The following GJA3 variants were observed in gnomAD, a reference collection of about 807,000 sequenced individuals.
The protein encoded by GJA3 is gap junction protein alpha 3, also known as gap junction alpha-3 protein.
For synonymous variants in GJA3, 297 were observed against 292.6 expected (o/e 1.02, Z -0.15); for missense variants, 571 against 620.3 (o/e 0.92, Z 0.84).
At chr13:20,159,190 C>T (rs1436216107) in intron 1 of GJA3, among the ~76,000 whole-genome samples, 1 of 151,550 alleles carries the variant, frequency 6.6e-6, no homozygotes, top group Non-Finnish European at 1.5e-5. Flanking sequence ...TTGTGTGTGG[C>T]ACTGTGCCAC....
At chr13:20,156,415 T>G (rs1324633218) in intron 1 of GJA3, among the ~76,000 whole-genome samples, 1 of 152,148 alleles carries the variant, frequency 6.6e-6, no homozygotes, top group African/African-American at 2.4e-5. Flanking sequence ...CAAGCAATTC[T>G]CGGGCCTCAT....
chr13:20,156,297 G>A (rs748610520), intron 1 of GJA3, among the ~76,000 whole-genome samples: 58 of 152,016 alleles, frequency 3.8e-4, no homozygotes, highest in Non-Finnish European at 6.5e-4. Context: ...ATCTTAGTGA[G>A]GGCATTTTAT....
rs1958808902 is a variant in GJA3, at chr13:20,141,858, G to A, written c.*123C>T. On this transcript the variant is annotated 3_prime_UTR_variant, in exon 2 of 2. Transcript: ENST00000241125. ...TCTCTCCTCCATCGTCCACCTCCTG[G>A]GACTCCAGTCGCTCCCACCTCCTGG... 1.4e-6 allele frequency: 2 copies of A among 1,407,986 alleles called. No individual in the cohort carries two copies. Among genetic ancestry groups the A allele is most frequent in the East Asian group, 5.1e-5 (2 of 39,338 alleles). The allele number at this position is 1,407,986 out of a possible 1,614,324, so 87.2% of individuals were successfully genotyped here. A position where few individuals can be genotyped will look rare whatever the true frequency, so the allele number is the denominator to read the frequency against.
rs755792418 is a variant in GJA3 at position 20,142,850 on chromosome 13, G to A, written c.439C>T (p.Arg147Trp). Residue 147 changes from arginine (R) to tryptophan (W), a missense_variant, in exon 2 of 2, where the codon CGG becomes TGG. Coordinates refer to ENST00000241125, the MANE Select transcript of GJA3 (RefSeq NM_021954.4). ...AAGATGATGTTGAAGACGTAGGTCC[G>A]CAGCAGCGCCCCGGCCATGCGCACC... ...GRVRMAGALL[R>W]TYVFNIIFKT... The A allele has an allele frequency of 6.2e-7, 1 of 1,612,636 alleles. No individual in the cohort carries two copies. The highest frequency in any genetic ancestry group is 2.2e-5 in the East Asian group (1 of 44,844).
In GJA3 at chr13:20,142,689, C is replaced by T. The variant is rs759345487; in HGVS notation, c.600G>A (p.Lys200=). The change falls in exon 2 of 2, where the codon AAG becomes AAA. Residue 200 remains lysine, a synonymous_variant. Coordinates refer to ENST00000241125, the MANE Select transcript of GJA3 (RefSeq NM_021954.4). ...VDCFISRPTE[K]TIFIIFMLAV... is the part of the protein sequence containing the mutation. ...CCAGCATGAAGATGATGAAGATGGT[C>T]TTCTCCGTGGGCCTGGAGATGAAGC... 4.3e-6 allele frequency: 7 copies of T among 1,614,022 alleles called. No individual in the cohort carries two copies. The Admixed American group carries it at 1.0e-4, about 23-fold the overall frequency.
intron 1 of GJA3, among the ~76,000 whole-genome samples, chr13:20,155,895 G>A (rs1958904281): frequency 6.6e-6 from 1 of 152,024 alleles, no homozygotes; most frequent in South Asian, 2.1e-4. Flanking sequence ...TTTACATGCA[G>A]AGATATGTGG....
intron 1 of GJA3, among the ~76,000 whole-genome samples, chr13:20,147,389 A>G (rs1221260099): frequency 1.3e-5 from 2 of 152,266 alleles, no homozygotes; most frequent in Non-Finnish European, 2.9e-5. Flanking sequence ...TATGAAATAA[A>G]GTCTGGTAAA....
At chr13:20,146,308 C>T (rs4769086) in intron 1 of GJA3, among the ~76,000 whole-genome samples, 29,682 of 152,130 alleles carry the variant, frequency 0.2, 3,795 homozygotes, top group East Asian at 0.45. Flanking sequence ...AATGTTCTGC[C>T]GTGTTTGGGG....
chr13:20,141,963 G>A lies in GJA3; in HGVS notation c.*18C>T. The A allele has an allele frequency of 6.5e-7, 1 of 1,550,110 alleles. No homozygotes were observed. The highest frequency in any genetic ancestry group is 2.4e-5 in the East Asian group (1 of 40,890). On this transcript the variant is annotated 3_prime_UTR_variant, in exon 2 of 2. Coordinates refer to ENST00000241125, the MANE Select transcript of GJA3 (RefSeq NM_021954.4). Reference sequence around the variant, plus strand: ...AAAAAGATCACTACACAGCTGTCTGGAGGCAGGCACCCGGGCACTAGATGG... The same window carrying A: ...AAAAAGATCACTACACAGCTGTCTGAAGGCAGGCACCCGGGCACTAGATGG...
In GJA3 at chr13:20,142,013, C is replaced by T. The variant is rs1958809965; in HGVS notation, c.1276G>A (p.Gly426Arg). 1 of 1,550,414 alleles carries T rather than the reference C, an allele frequency of 6.4e-7. No homozygotes were observed. Residue 426 changes from glycine (G) to arginine (R), a missense_variant, in exon 2 of 2, where the codon GGG becomes AGG. Physicochemically the swap from Gly to Arg is moderately radical, Grantham distance 125 (BLOSUM62 -2). Coordinates refer to ENST00000241125, the MANE Select transcript of GJA3 (RefSeq NM_021954.4). ...RASKASRASS[G>R]RARPEDLAI ...GCCAAGTCCTCCGGTCTGGCCCGCC[C>T]GCTGCTGGCCCTGCTGGCCTTGCTG...
At chr13:20,161,259 C>T (rs1050864068), upstream of GJA3, among the ~76,000 whole-genome samples, 1 of 152,186 alleles carries the variant, frequency 6.6e-6, no homozygotes, top group Admixed American at 6.5e-5. Context: ...GCATCCCCAT[C>T]CCGCACCTGC....
At chr13:20,151,959 G>C (rs1958880694) in intron 1 of GJA3, among the ~76,000 whole-genome samples, 1 of 152,208 alleles carries the variant, frequency 6.6e-6, no homozygotes, top group Non-Finnish European at 1.5e-5. Context: ...CCCTGGGCTG[G>C]TGTCGGGAGG....
rs189831994 is a variant in GJA3, at chr13:20,146,347, C to A, written c.-17-3042G>T. Among the ~76,000 whole-genome samples the A allele has an allele frequency of 2.3e-3, 348 of 152,302 alleles. 1 individual carries two copies. The highest frequency in any genetic ancestry group is 7.8e-3 in the African/African-American group (324 of 41,550). On this transcript the variant is annotated intron_variant, in intron 1 of 1. Coordinates refer to ENST00000241125, the MANE Select transcript of GJA3 (RefSeq NM_021954.4). ...CCTCATGGGAAAGAACTGTCCCACC[C>A]CAAATGCCTATCGTGCACCTGTTGA... is the stretch of plus-strand genomic sequence containing the variant.
chr13:20,155,658 T>A (rs571039613), intron 1 of GJA3, among the ~76,000 whole-genome samples: 1 of 152,044 alleles, frequency 6.6e-6, no homozygotes, highest in South Asian at 2.1e-4. Context: ...AACTTTGACA[T>A]GCTTTTAAAA....
intron 1 of GJA3, among the ~76,000 whole-genome samples, chr13:20,145,787 G>GC (rs1360208377): frequency 6.6e-6 from 1 of 152,154 alleles, no homozygotes; most frequent in East Asian, 1.9e-4. Flanking sequence ...GCCATCTCAG[G>GC]CCTACACCGG....
At chr13:20,153,676 T>C (rs886724284) in intron 1 of GJA3, among the ~76,000 whole-genome samples, 1 of 151,944 alleles carries the variant, frequency 6.6e-6, no homozygotes, top group African/African-American at 2.4e-5. Context: ...GAGATATACC[T>C]AATGTAAATG....
chr13:20,157,667 A>G (rs1327042213), intron 1 of GJA3, among the ~76,000 whole-genome samples: 3 of 152,292 alleles, frequency 2.0e-5, no homozygotes, highest in Admixed American at 6.5e-5. Context: ...TTATGACACT[A>G]TGTATTACAT....
At chr13:20,145,825 A>C (rs1278232886) in intron 1 of GJA3, among the ~76,000 whole-genome samples, 3 of 151,858 alleles carry the variant, frequency 2.0e-5, no homozygotes, top group African/African-American at 7.3e-5. Context: ...CCCCCTTGCC[A>C]TGCCCTGGTT....
rs1269043362 is a variant in GJA3 at position 20,142,378 on chromosome 13, T to C, written c.911A>G (p.Glu304Gly). 6.5e-7 allele frequency: 1 copy of C among 1,529,052 alleles called. No individual in the cohort carries two copies. The highest frequency in any genetic ancestry group is 1.2e-5 in the South Asian group (1 of 80,332). The allele number at this position is 1,529,052 out of a possible 1,614,324, so 94.7% of individuals were successfully genotyped here. A position where few individuals can be genotyped will look rare whatever the true frequency, so the allele number is the denominator to read the frequency against. The change falls in exon 2 of 2, where the codon GAG becomes GGG. Residue 304 changes from glutamate (E) to glycine (G), a missense_variant. By Grantham distance (98) the Glu-to-Gly change is moderately conservative. Coordinates refer to ENST00000241125, the MANE Select transcript of GJA3 (RefSeq NM_021954.4). ...GGCGGACTGGCCCTTTCCGCGCGCC[T>C]CGGTCAGGGCTAGCAGTTTGAAGTC... is the stretch of plus-strand genomic sequence containing the variant. ...AADFKLLALT[E>G]ARGKGQSAKL...
Sources: allele counts gnomAD v4.1 joint callset (sites outside exome capture counted in the v4.1 genomes callset), GRCh38; gene constraint gnomAD v4.1.1; transcripts MANE v1.5; gene names NCBI Gene and HGNC (gene_info 2026-07-23, HGNC 2026-07-21).